The following NRXN1 variants were observed in gnomAD, a reference collection of about 807,000 sequenced individuals.
The protein encoded by NRXN1 is neurexin-1.
In NRXN1, 39 loss-of-function variants were observed where a neutral mutation model predicts 150.9. The ratio of observed to expected loss-of-function variants is 0.26; its 90% CI spans 0.20 to 0.34. The LOEUF is 0.34. Among genes scored for constraint, NRXN1 ranks in the 10% least tolerant of loss-of-function variants. The pLI, the probability that NRXN1 is intolerant of heterozygous loss-of-function variation, is 1.00. For missense variants in NRXN1, 1,815 were observed against 1,949.9 expected, an observed-to-expected ratio of 0.93 and a Z score of 1.30; for synonymous variants, 924 against 757.0, an observed-to-expected ratio of 1.22 and a Z score of -3.62.
At chr2:49,938,255 T>G (rs1038398353) in intron 22 of NRXN1, among the ~76,000 whole-genome samples, 1 of 152,168 alleles carries the variant, frequency 6.6e-6, no homozygotes, top group Admixed American at 6.5e-5. Flanking sequence ...TCTCTGAATC[T>G]CTTTAGCTAT....
chr2:50,035,819 G>A (rs191366326), intron 21 of NRXN1, among the ~76,000 whole-genome samples: 1 of 152,174 alleles, frequency 6.6e-6, no homozygotes, highest in East Asian at 1.9e-4. Flanking sequence ...ATTATGTCCT[G>A]TCTCAAAATA....
At chr2:50,387,624 G>C (rs191268711) in intron 17 of NRXN1, among the ~76,000 whole-genome samples, 58 of 152,262 alleles carry the variant, frequency 3.8e-4, no homozygotes, top group Middle Eastern at 3.4e-3. Flanking sequence ...GCTCAATTCA[G>C]TTAGTTGTGC....
At chr2:50,103,956 C>A (rs1701313522) in intron 18 of NRXN1, among the ~76,000 whole-genome samples, 1 of 152,022 alleles carries the variant, frequency 6.6e-6, no homozygotes, top group African/African-American at 2.4e-5. Flanking sequence ...TCTGACCCAT[C>A]TCAGGCCCAT....
intron 17 of NRXN1, among the ~76,000 whole-genome samples, chr2:50,305,614 C>A (rs374993469): frequency 1.3e-5 from 2 of 152,194 alleles, no homozygotes; most frequent in East Asian, 1.9e-4. Context: ...CCCCAAATCT[C>A]CTTTGGTCCT....
At chr2:50,068,021 T>A (rs1020260952) in intron 19 of NRXN1, among the ~76,000 whole-genome samples, 1 of 152,184 alleles carries the variant, frequency 6.6e-6, no homozygotes, top group Non-Finnish European at 1.5e-5. Flanking sequence ...GATAGGTGAA[T>A]GTTTCATACA....
At chr2:50,968,824 C>T (rs906225089) in intron 2 of NRXN1, among the ~76,000 whole-genome samples, 12 of 152,088 alleles carry the variant, frequency 7.9e-5, no homozygotes, top group Admixed American at 4.6e-4. Context: ...TTAAAGACAC[C>T]AGTAATCTCC....
intron 17 of NRXN1, among the ~76,000 whole-genome samples, chr2:50,353,206 T>A (rs1454542524): frequency 3.3e-5 from 5 of 152,126 alleles, no homozygotes; most frequent in South Asian, 2.1e-4. Context: ...TTAATAAAAA[T>A]TTCATGTTTG....
At chr2:50,554,021 T>C (rs1353077253) in intron 8 of NRXN1, among the ~76,000 whole-genome samples, 2 of 152,150 alleles carry the variant, frequency 1.3e-5, no homozygotes, top group African/African-American at 4.8e-5. Flanking sequence ...ACATAGACCA[T>C]ACTTACTTGA....
rs559971578 is a variant in NRXN1, at chr2:51,017,183, C to T, written c.772+10319G>A. On this transcript the variant is annotated intron_variant, in intron 2 of 22. Coordinates refer to ENST00000401669, the MANE Select transcript of NRXN1 (RefSeq NM_001330078.2). Reference sequence around the variant, plus strand: ...ACGGATTGATAGGTGCAGCAAACCACCATGGCACGTGTATACCTATATAAC... The same window carrying T: ...ACGGATTGATAGGTGCAGCAAACCATCATGGCACGTGTATACCTATATAAC... Among the ~76,000 whole-genome samples, 4 of 151,996 alleles carry T rather than the reference C, an allele frequency of 2.6e-5. No homozygotes were observed. The East Asian group carries it at 7.8e-4, about 30-fold the overall frequency.
Position 50,552,650 on chromosome 2 carries a change from G to A in NRXN1, c.1696C>T (p.Leu566=), listed in dbSNP as rs754703742. The A allele has an allele frequency of 6.2e-7, 1 of 1,613,844 alleles. No homozygotes were observed. Among genetic ancestry groups the A allele is most frequent in the South Asian group, 1.1e-5 (1 of 91,076 alleles). Residue 566 remains leucine, a synonymous_variant, in exon 9 of 23, where the codon CTG becomes TTG. Transcript: ENST00000401669. ...TCTCCATCATTCACTTTCTTCAACA[G>A]GGCTTTTATTTTTATAGTACCTGAC... ...MGSGTIKIKA[L]LKKVNDGEWY...
intron 17 of NRXN1, among the ~76,000 whole-genome samples, chr2:50,407,098 A>C (rs1206352700): frequency 6.6e-6 from 1 of 152,134 alleles, no homozygotes; most frequent in Non-Finnish European, 1.5e-5. Flanking sequence ...TTTTTTAAAA[A>C]ATTATCAAAT....
rs373184734 is a variant in NRXN1, at chr2:50,073,997, A to G, written c.3718+17326T>C. ...TGTTTGCACATTTTTTAAGGCCTGGAAAGTATGAGGGTATGAGTAGGATCC... is the reference window on the plus strand; with the variant it reads ...TGTTTGCACATTTTTTAAGGCCTGGGAAGTATGAGGGTATGAGTAGGATCC... On this transcript the variant is annotated intron_variant, in intron 19 of 22. Transcript: ENST00000401669. 3.8e-4 allele frequency among the ~76,000 whole-genome samples: 58 copies of G among 152,172 alleles called. 1 individual carries two copies. The South Asian group carries it at 0.012, about 31-fold the overall frequency.
chr2:50,193,568 A>G (rs980145216), intron 18 of NRXN1, among the ~76,000 whole-genome samples: 4 of 152,126 alleles, frequency 2.6e-5, no homozygotes, highest in Admixed American at 6.6e-5. Flanking sequence ...TCCTGTCACT[A>G]CTGGCAGCAT....
intron 15 of NRXN1, among the ~76,000 whole-genome samples, chr2:50,495,380 G>T (rs1448156945): frequency 7.2e-3 from 127 of 17,714 alleles, no homozygotes; most frequent in Non-Finnish European, 0.017. Context: ...GTGTGTGTGT[G>T]GTGTGTGTGT....
intron 5 of NRXN1, among the ~76,000 whole-genome samples, chr2:50,812,906 T>C (rs1668425999): frequency 1.3e-5 from 2 of 152,072 alleles, no homozygotes; most frequent in Non-Finnish European, 2.9e-5. Context: ...TTTGATACTT[T>C]TGTAATCTCA....
chr2:50,825,282 G>C lies in NRXN1; in HGVS notation c.832+96587C>G, dbSNP rs146625255. 3.4e-3 allele frequency among the ~76,000 whole-genome samples: 517 copies of C among 152,198 alleles called. 1 individual carries two copies. The highest frequency in any genetic ancestry group is 0.012 in the African/African-American group (499 of 41,524). On this transcript the variant is annotated intron_variant, in intron 5 of 22. Transcript: ENST00000401669. Reference sequence around the variant, plus strand: ...ACTCTTAAAATCTTTGAAATCTCTGGAGTGATAAGAATATCATTTGTATGC... The same window carrying C: ...ACTCTTAAAATCTTTGAAATCTCTGCAGTGATAAGAATATCATTTGTATGC...
At chr2:50,293,579 C>T (rs1462911211) in intron 17 of NRXN1, among the ~76,000 whole-genome samples, 1 of 152,084 alleles carries the variant, frequency 6.6e-6, no homozygotes, top group Non-Finnish European at 1.5e-5. Context: ...GCAGGGCTAC[C>T]TTTACATGGA....
At chr2:49,941,149 G>A (rs2104349254) in intron 22 of NRXN1, among the ~76,000 whole-genome samples, 1 of 151,980 alleles carries the variant, frequency 6.6e-6, no homozygotes, top group South Asian at 2.1e-4. Flanking sequence ...AATTTACCTT[G>A]TGGGGAGATT....
intron 18 of NRXN1, among the ~76,000 whole-genome samples, chr2:50,096,928 TG>T: frequency 6.6e-6 from 1 of 152,310 alleles, no homozygotes; most frequent in Non-Finnish European, 1.5e-5. Context: ...TAAGATTTAA[TG>T]GTGTAATCAA....
Sources: allele counts gnomAD v4.1 joint callset (sites outside exome capture counted in the v4.1 genomes callset), GRCh38; gene constraint gnomAD v4.1.1; transcripts MANE v1.5; gene names NCBI Gene and HGNC (gene_info 2026-07-23, HGNC 2026-07-21).